SLC4A4: variants seen among roughly 807,000 people sequenced by gnomAD.
The protein encoded by SLC4A4 is solute carrier family 4 member 4, also known as electrogenic sodium bicarbonate cotransporter 1.
Under a neutral mutation model 111.5 loss-of-function variants are expected in SLC4A4, and 27 were observed. The ratio of observed to expected loss-of-function variants is 0.24; its 90% confidence interval spans 0.18 to 0.33. The LOEUF (loss-of-function observed/expected upper bound fraction) is 0.33. Among genes scored for constraint, SLC4A4 ranks in the 10% least tolerant of loss-of-function variants. The pLI is 1.00. For missense variants in SLC4A4, 909 were observed against 1,315.5 expected, an observed-to-expected ratio of 0.69 and a Z score of 4.78; for synonymous variants, 443 against 463.4, an observed-to-expected ratio of 0.96 and a Z score of 0.57.
At chr4:71,360,753 T>A (rs1730702450) in intron 6 of SLC4A4, among the ~76,000 whole-genome samples, 1 of 152,168 alleles carries the variant, frequency 6.6e-6, no homozygotes, top group African/African-American at 2.4e-5. Flanking sequence ...CAACTAACTA[T>A]ATGCAATTTA....
chr4:71,501,227 G>A (rs1404272476), intron 16 of SLC4A4, among the ~76,000 whole-genome samples: 1 of 151,916 alleles, frequency 6.6e-6, no homozygotes, highest in Non-Finnish European at 1.5e-5. Context: ...TTGTAAGTGG[G>A]ATTGTGATTT....
chr4:71,163,705 C>A (rs910826555), intron 2 of SLC4A4, among the ~76,000 whole-genome samples: 1 of 152,196 alleles, frequency 6.6e-6, no homozygotes, highest in African/African-American at 2.4e-5. Context: ...CAAAGTGTGG[C>A]CCTCTGTGGC....
intron 2 of SLC4A4, among the ~76,000 whole-genome samples, chr4:71,149,800 A>T (rs1165970712): frequency 6.6e-6 from 1 of 152,170 alleles, no homozygotes; most frequent in African/African-American, 2.4e-5. Flanking sequence ...TCTTATCACC[A>T]TGAAAATGCA....
chr4:71,144,862 T>C (rs1197899709), intron 2 of SLC4A4, among the ~76,000 whole-genome samples: 1 of 151,964 alleles, frequency 6.6e-6, no homozygotes, highest in Non-Finnish European at 1.5e-5. Context: ...GACGATGGGG[T>C]TTTCTAGATA....
chr4:71,546,207 A>G (rs1242133698), intron 18 of SLC4A4, 143 bp from the exon 19 acceptor site: 2 of 708,610 alleles, frequency 2.8e-6, no homozygotes, highest in Admixed American at 4.3e-5. Flanking sequence ...TACAAAGAAG[A>G]TAAAGTCCCC....
chr4:71,467,344 G>C (rs1204856966), intron 13 of SLC4A4, among the ~76,000 whole-genome samples: 1 of 152,052 alleles, frequency 6.6e-6, no homozygotes, highest in African/African-American at 2.4e-5. Context: ...CCAGTTTCAT[G>C]TTCTTAACTA....
chr4:71,518,285 G>A (rs949169156), intron 16 of SLC4A4, among the ~76,000 whole-genome samples: 1 of 152,122 alleles, frequency 6.6e-6, no homozygotes, highest in African/African-American at 2.4e-5. Context: ...CACAGAGGCT[G>A]TCCTGAAACA....
At chr4:71,168,960 G>A (rs1384550479) in intron 2 of SLC4A4, among the ~76,000 whole-genome samples, 1 of 151,944 alleles carries the variant, frequency 6.6e-6, no homozygotes, top group East Asian at 1.9e-4. Context: ...TTTTTTTGGG[G>A]GGTATATACC....
intron 1 of SLC4A4, among the ~76,000 whole-genome samples, chr4:71,220,686 G>C (rs1202555220): frequency 6.6e-6 from 1 of 152,092 alleles, no homozygotes; most frequent in African/African-American, 2.4e-5. Context: ...CAGAGTTAAG[G>C]AGAGTGTTTT....
chr4:71,138,765 G>T (rs984277068), intron 2 of SLC4A4, among the ~76,000 whole-genome samples: 1 of 152,082 alleles, frequency 6.6e-6, no homozygotes, highest in East Asian at 1.9e-4. Flanking sequence ...GGCCGGGCGC[G>T]GTGGCTCACG....
chr4:71,456,265 G>T (rs998760514), intron 12 of SLC4A4, among the ~76,000 whole-genome samples: 3 of 151,958 alleles, frequency 2.0e-5, no homozygotes, highest in African/African-American at 7.3e-5. Context: ...AAACATATTG[G>T]CAATATCTTT....
At chr4:71,501,317 AT>A (rs961569706) in intron 16 of SLC4A4, among the ~76,000 whole-genome samples, 2 of 151,848 alleles carry the variant, frequency 1.3e-5, no homozygotes, top group Admixed American at 6.6e-5. Context: ...ACTTTACTTA[AT>A]TTTTTTATTA....
At chr4:71,190,417 CACACACACACACAG>C (rs1201209753) in intron 1 of SLC4A4, among the ~76,000 whole-genome samples, 2 of 151,262 alleles carry the variant, frequency 1.3e-5, no homozygotes, top group African/African-American at 2.4e-5. Flanking sequence ...CACACACACA[CACACACACACACAG>C]ACACAACTCA....
chr4:71,394,648 C>T (rs1289749479), intron 6 of SLC4A4, among the ~76,000 whole-genome samples: 5 of 152,032 alleles, frequency 3.3e-5, no homozygotes, highest in Non-Finnish European at 5.9e-5. Flanking sequence ...CAGCACAATT[C>T]ACAATTGCAG....
intron 3 of SLC4A4, among the ~76,000 whole-genome samples, chr4:71,272,463 G>A (rs1023279583): frequency 1.2e-4 from 18 of 152,206 alleles, no homozygotes; most frequent in African/African-American, 4.3e-4. Flanking sequence ...AGATCTTCCT[G>A]GCTCTAATTA....
chr4:71,384,046 GAGCTGCA>G (rs1266389950), intron 6 of SLC4A4, among the ~76,000 whole-genome samples: 2 of 152,154 alleles, frequency 1.3e-5, no homozygotes, highest in Non-Finnish European at 2.9e-5. Flanking sequence ...TATCAACCAA[GAGCTGCA>G]AGCATCTCAG....
chr4:71,541,690 G>A (rs1735078612), intron 18 of SLC4A4, among the ~76,000 whole-genome samples: 1 of 151,466 alleles, frequency 6.6e-6, no homozygotes, highest in African/African-American at 2.4e-5. Flanking sequence ...CACTCAGTCT[G>A]GCAGCAGTGA....
Position 71,188,276 on chromosome 4 carries a change from C to T in SLC4A4, c.-2+875C>T, listed in dbSNP as rs142441073. 4.4e-3 allele frequency among the ~76,000 whole-genome samples: 670 copies of T among 152,180 alleles called. 8 individuals are homozygous for T. Among genetic ancestry groups the T allele is most frequent in the African/African-American group, 0.015 (628 of 41,492 alleles). On this transcript the variant is annotated intron_variant, in intron 1 of 25. Transcript: ENST00000264485. ...TGAAAGATGGAGGAAGCAGTTCTAC[C>T]TCTCTTCTATCACTTTTTTCAGCGC...
At chr4:71,551,921 A>G (rs146814743) in intron 20 of SLC4A4, among the ~76,000 whole-genome samples, 2 of 152,048 alleles carry the variant, frequency 1.3e-5, no homozygotes, top group Non-Finnish European at 2.9e-5. Context: ...GTTTCTGAAT[A>G]TAGTTGTTAC....
Sources: allele counts gnomAD v4.1 joint callset (sites outside exome capture counted in the v4.1 genomes callset), GRCh38; gene constraint gnomAD v4.1.1; transcripts MANE v1.5; gene names NCBI Gene and HGNC (gene_info 2026-07-23, HGNC 2026-07-21).